The following SHLD2 variants were observed in gnomAD, a reference collection of about 807,000 sequenced individuals.
SHLD2 encodes the protein RINN1-REV7-interacting novel NHEJ regulator 2.
In SHLD2, 30 loss-of-function variants were observed where a neutral mutation model predicts 73.2. The ratio of observed to expected loss-of-function variants is 0.41; its 90% CI spans 0.31 to 0.56. The LOEUF (loss-of-function observed/expected upper bound fraction) is 0.56, where lower values mean the gene tolerates loss of function less well. Among genes scored for constraint, SHLD2 ranks in the 20% least tolerant of loss-of-function variants. The probability of loss-of-function intolerance (pLI) is 0.28; values close to 1 mark genes in which losing one functional copy is unlikely to be tolerated. For synonymous variants in SHLD2, 285 were observed against 370.1 expected, an observed-to-expected ratio of 0.77 and a Z score of 2.64; for missense variants, 745 against 1,055.9, an observed-to-expected ratio of 0.71 and a Z score of 4.08.
At chr10:87,169,807 A>G (rs992762705) in intron 4 of SHLD2, among the ~76,000 whole-genome samples, 2 of 152,208 alleles carry the variant, frequency 1.3e-5, no homozygotes, top group East Asian at 1.9e-4. Flanking sequence ...TTTAAAGGAC[A>G]TAGTAACTGA....
chr10:87,181,846 C>T (rs1421642359), intron 8 of SHLD2, among the ~76,000 whole-genome samples: 5 of 151,332 alleles, frequency 3.3e-5, no homozygotes, highest in Admixed American at 6.6e-5. Flanking sequence ...CTCAGCTCAT[C>T]GCAACCTCTG....
In SHLD2 at chr10:87,170,511, A is replaced by G; in HGVS notation, c.1667A>G (p.Asp556Gly). The change falls in exon 5 of 10, where the codon GAC becomes GGC. Residue 556 changes from aspartate to glycine, a missense_variant. Physicochemically the swap from Asp to Gly is moderately conservative, Grantham distance 94. Transcript: ENST00000298786. The stretch of plus-strand genomic sequence containing the variant: ...GTAGTTAGTGAAGTTGTACTTCAAG[A>G]CTTACTGGCATATGTGTCCTCAAAA... The part of the protein sequence containing the change: ...SSVVSEVVLQ[D>G]LLAYVSSKHS... 6.2e-7 allele frequency: 1 copy of G among 1,605,468 alleles called. No individual in the cohort carries two copies. Among genetic ancestry groups the G allele is most frequent in the Non-Finnish European group, 8.5e-7 (1 of 1,177,376 alleles).
chr10:87,159,103 A>G (rs1846633490), intron 4 of SHLD2, among the ~76,000 whole-genome samples: 1 of 152,214 alleles, frequency 6.6e-6, no homozygotes, highest in South Asian at 2.1e-4. Context: ...AGAGAAATAT[A>G]CTGATTATAC....
intron 2 of SHLD2, among the ~76,000 whole-genome samples, chr10:87,129,148 T>C (rs1161898389): frequency 6.6e-6 from 1 of 152,324 alleles, no homozygotes; most frequent in East Asian, 1.9e-4. Context: ...TGGAGTGCAG[T>C]GGTGCGATCT....
At chr10:87,096,167 T>C (rs1841861045) in intron 1 of SHLD2, among the ~76,000 whole-genome samples, 1 of 151,816 alleles carries the variant, frequency 6.6e-6, no homozygotes, top group Non-Finnish European at 1.5e-5. Context: ...TGCCTCAGCC[T>C]CGGGGTAGCT....
At chr10:87,190,456 G>A in intron 9 of SHLD2, 28 bp from the exon 10 acceptor site, 8 of 1,594,890 alleles carry the variant, frequency 5.0e-6, no homozygotes, top group Non-Finnish European at 6.9e-6. Context: ...CAGCGATCTT[G>A]GGAGCTCTGT....
intron 2 of SHLD2, 99 bp downstream of exon 2, chr10:87,097,088 G>A (rs1473878933): frequency 6.6e-6 from 1 of 152,138 alleles, no homozygotes; most frequent in Non-Finnish European, 1.5e-5. Flanking sequence ...AGAATAAAAT[G>A]ATTAGCATCA....
intron 2 of SHLD2, among the ~76,000 whole-genome samples, chr10:87,146,224 A>T (rs918026751): frequency 3.9e-5 from 6 of 152,188 alleles, no homozygotes. Context: ...GTGGGGCTGC[A>T]TGTGGTCCAG....
At chr10:87,161,222 T>C (rs1846790429) in intron 4 of SHLD2, among the ~76,000 whole-genome samples, 1 of 151,696 alleles carries the variant, frequency 6.6e-6, no homozygotes, top group Admixed American at 6.6e-5. Flanking sequence ...GAGATGAAAG[T>C]GGGTGGACAG....
intron 2 of SHLD2, among the ~76,000 whole-genome samples, chr10:87,129,383 G>A (rs1844269693): frequency 6.6e-6 from 1 of 152,112 alleles, no homozygotes; most frequent in Admixed American, 6.5e-5. Flanking sequence ...TAGCCACCGT[G>A]CCTGGCTTCA....
intron 2 of SHLD2, among the ~76,000 whole-genome samples, chr10:87,116,967 A>C (rs1477392732): frequency 1.3e-5 from 2 of 152,176 alleles, no homozygotes; most frequent in Non-Finnish European, 1.5e-5. Context: ...TGGGACATGA[A>C]GTGGTTGGTG....
intron 6 of SHLD2, among the ~76,000 whole-genome samples, chr10:87,172,497 G>A (rs945587476): frequency 4.6e-5 from 7 of 152,072 alleles, no homozygotes; most frequent in African/African-American, 1.7e-4. Flanking sequence ...TACCAAAAAT[G>A]TGTATGTTCA....
upstream of SHLD2, chr10:87,094,801 C>T: frequency 6.7e-7 from 1 of 1,502,486 alleles, no homozygotes; most frequent in Non-Finnish European, 9.0e-7. The surrounding 1 kb of genome is among the most constrained non-coding windows in gnomAD (Gnocchi z 6.6). Context: ...GCGTGATGGT[C>T]GCGAAACAGG....
rs879494523 is a variant in SHLD2 at position 87,142,030 on chromosome 10, C to CAAA, written c.-5-9308_-5-9306dup. Among the ~76,000 whole-genome samples the CAAA allele has an allele frequency of 6.5e-5, 8 of 123,844 alleles. 1 individual carries two copies. In the East Asian group the frequency reaches 1.1e-3, roughly 17 times the overall value. 81.2% of individuals were successfully genotyped at this position (123,844 alleles called of 152,430 possible). On this transcript the variant is annotated intron_variant, in intron 2 of 9. Coordinates refer to ENST00000298786, the MANE Select transcript of SHLD2 (RefSeq NM_001330112.2). ...TGGGCAACAGAGCAAGACTCCATCT[C>CAAA]AAAAAAAAAAAAAATATATCAAATT...
intron 2 of SHLD2, chr10:87,114,234 A>G (rs1188961758): frequency 1.3e-5 from 2 of 152,218 alleles, no homozygotes; most frequent in Non-Finnish European, 2.9e-5. Flanking sequence ...CTACCTTAAT[A>G]TTAGATTCCC....
At chr10:87,110,995 C>A (rs1440070877) in intron 2 of SHLD2, among the ~76,000 whole-genome samples, 1 of 151,788 alleles carries the variant, frequency 6.6e-6, no homozygotes, top group Non-Finnish European at 1.5e-5. Flanking sequence ...AGGCGCGCAC[C>A]ACCACGCCTG....
rs555732506 is a variant in SHLD2, at chr10:87,191,340, G to C, written c.*657G>C. On this transcript the variant is annotated 3_prime_UTR_variant, in exon 10 of 10. Coordinates refer to ENST00000298786, the MANE Select transcript of SHLD2 (RefSeq NM_001330112.2). Reference sequence around the variant, plus strand: ...CTGTTCTCTCATTGTGATTGTGGAAGAAGCTCATGTAAAATGATAGTCATT... The same window carrying C: ...CTGTTCTCTCATTGTGATTGTGGAACAAGCTCATGTAAAATGATAGTCATT... The C allele has an allele frequency of 1.3e-5, 2 of 154,952 alleles. No individual in the cohort carries two copies. Among genetic ancestry groups the C allele is most frequent in the East Asian group, 3.9e-4 (2 of 5,192 alleles). The allele number at this position is 154,952 out of a possible 1,614,324, so 9.6% of individuals were successfully genotyped here. A position where few individuals can be genotyped will look rare whatever the true frequency, so the allele number is the denominator to read the frequency against.
intron 9 of SHLD2, 144 bp downstream of exon 9, chr10:87,187,344 A>G: frequency 1.6e-6 from 1 of 628,618 alleles, no homozygotes; most frequent in South Asian, 1.9e-5. Flanking sequence ...GTGAAATATA[A>G]GCCTATGTAA....
In SHLD2 at chr10:87,190,801, G is replaced by A. The variant is rs1849021449; in HGVS notation, c.*118G>A. 2 of 809,554 alleles carry A rather than the reference G, an allele frequency of 2.5e-6. No homozygotes were observed. The highest frequency in any genetic ancestry group is 3.5e-5 in the African/African-American group (2 of 57,728). 50.1% of individuals were successfully genotyped at this position (809,554 alleles called of 1,614,324 possible). On this transcript the variant is annotated 3_prime_UTR_variant, in exon 10 of 10. Transcript: ENST00000298786. ...TTTTTTATGAAATATATTTTACAAA[G>A]AGAATTGCACTAGATATATAAATTA... is the stretch of plus-strand genomic sequence containing the variant.
Sources: gnomAD v4.1 joint callset for allele counts (sites outside exome capture counted in the v4.1 genomes callset) on GRCh38, gnomAD v4.1.1 for gene constraint, Gnocchi (gnomAD v3.1) non-coding constraint, MANE v1.5 for transcripts, NCBI Gene and HGNC (gene_info 2026-07-23, HGNC 2026-07-21) for gene names.